Variants in RP1 observed in about 807,000 individuals in gnomAD.
RP1 encodes RP1 axonemal microtubule associated.
Under a neutral mutation model 14.8 loss-of-function variants are expected in RP1, and 16 were observed. The observed-to-expected ratio is 1.08, with a 90% confidence interval of 0.73 to 1.65. RP1 has a LOEUF of 1.65. Ranked by LOEUF, RP1 falls within the 40% of genes most tolerant of loss-of-function variation. The pLI is 0.00. For synonymous variants in RP1, 876 were observed against 883.6 expected (o/e 0.99, Z 0.15); for missense variants, 2,631 against 2,535.0 (o/e 1.04, Z -0.81).
intron 15 of RP1, among the ~76,000 whole-genome samples, chr8:54,709,857 G>A (rs1225430351): frequency 6.6e-6 from 1 of 152,152 alleles, no homozygotes; most frequent in African/African-American, 2.4e-5. Context: ...AGAAATAACA[G>A]GTCCATATAT....
chr8:54,696,728 C>T (rs974589275), intron 12 of RP1: 13 of 724,088 alleles, frequency 1.8e-5, no homozygotes, highest in African/African-American at 5.2e-5. Context: ...TTCAAGACTT[C>T]GCCTAAAGAA....
chr8:54,869,681 A>G (rs1439594331), intron 28 of RP1, among the ~76,000 whole-genome samples: 1 of 152,250 alleles, frequency 6.6e-6, no homozygotes, highest in African/African-American at 2.4e-5. Context: ...CTGGACTGCT[A>G]AATAATCTGG....
At chr8:54,601,597 A>AG (rs1805295759) in intron 1 of RP1, among the ~76,000 whole-genome samples, 1 of 146,468 alleles carries the variant, frequency 6.8e-6, no homozygotes, top group South Asian at 2.1e-4. Flanking sequence ...TAAAAAACTT[A>AG]GAAAAAAAAA....
chr8:54,659,609 A>C (rs747278472), intron 6 of RP1, among the ~76,000 whole-genome samples: 1 of 152,146 alleles, frequency 6.6e-6, no homozygotes, highest in Non-Finnish European at 1.5e-5. Flanking sequence ...CCAGTACCAC[A>C]CTGCCTTTAT....
At chr8:54,870,216 T>G in exon 29 of RP1, 1 of 292,004 alleles carries the variant, frequency 3.4e-6, no homozygotes, top group Non-Finnish European at 6.3e-6. Context: ...TTTCTTTCCC[T>G]TCCTCCCCAC....
intron 24 of RP1, among the ~76,000 whole-genome samples, chr8:54,799,505 T>A (rs1030818794): frequency 3.3e-5 from 5 of 152,098 alleles, no homozygotes; most frequent in African/African-American, 1.2e-4. Flanking sequence ...ATAATTAGAA[T>A]AAGATCTACC....
intron 22 of RP1, among the ~76,000 whole-genome samples, chr8:54,762,312 A>G (rs1347713385): frequency 2.0e-5 from 3 of 151,796 alleles, no homozygotes; most frequent in Non-Finnish European, 2.9e-5. Context: ...GGCTCGGGGG[A>G]AATGCTTAGG....
Position 54,838,396 on chromosome 8 carries a change from A to C in RP1, c.3835+727A>C, listed in dbSNP as rs116588790. Among the ~76,000 whole-genome samples the C allele has an allele frequency of 5.3e-3, 808 of 152,208 alleles. 6 individuals are homozygous for C. The highest frequency in any genetic ancestry group is 0.018 in the African/African-American group (764 of 41,542). On this transcript the variant is annotated intron_variant, in intron 25 of 28. Coordinates refer to the RP1 transcript ENST00000637698. ...GAGAGAAAACCTTATTTCTCAATGG[A>C]TACTGATAGCCTCTTTGTTCGGAAT...
At chr8:54,577,690 T>C (rs899830497) in intron 1 of RP1, among the ~76,000 whole-genome samples, 12 of 152,320 alleles carry the variant, frequency 7.9e-5, no homozygotes, top group Middle Eastern at 3.4e-3. Context: ...TATTGTAAGA[T>C]ATATACTGTG....
intron 14 of RP1, among the ~76,000 whole-genome samples, chr8:54,702,695 T>C (rs914121134): frequency 6.6e-6 from 1 of 152,186 alleles, no homozygotes; most frequent in Non-Finnish European, 1.5e-5. Context: ...TCATGAAAGA[T>C]TTCTCTATAG....
At chr8:54,819,597 T>C (rs1811208966) in intron 24 of RP1, among the ~76,000 whole-genome samples, 1 of 152,152 alleles carries the variant, frequency 6.6e-6, no homozygotes, top group South Asian at 2.1e-4. Context: ...TCTCTGTACC[T>C]ATTTTTTAAG....
At chr8:54,718,273 G>C (rs1808450993) in intron 15 of RP1, among the ~76,000 whole-genome samples, 1 of 152,076 alleles carries the variant, frequency 6.6e-6, no homozygotes, top group Non-Finnish European at 1.5e-5. Flanking sequence ...TAATACTGAA[G>C]AAGAACAAAG....
At chr8:54,774,830 C>T (rs893667003), downstream of RP1, among the ~76,000 whole-genome samples, 3 of 152,188 alleles carry the variant, frequency 2.0e-5, no homozygotes, top group Non-Finnish European at 4.4e-5. Flanking sequence ...GCCTACTCCT[C>T]AATCGCTTTG....
intron 7 of RP1, among the ~76,000 whole-genome samples, chr8:54,673,576 C>CA (rs879473473): frequency 4.6e-5 from 7 of 152,024 alleles, no homozygotes; most frequent in Non-Finnish European, 7.4e-5. Flanking sequence ...CTCCTCTCTA[C>CA]AAAAAACACA....
At chr8:54,598,961 G>A (rs535696689) in intron 1 of RP1, among the ~76,000 whole-genome samples, 2 of 152,102 alleles carry the variant, frequency 1.3e-5, no homozygotes, top group African/African-American at 4.8e-5. Context: ...ATTTCTTTGG[G>A]TTTTTTGTCC....
intron 19 of RP1, among the ~76,000 whole-genome samples, chr8:54,751,007 C>G (rs1809355372): frequency 6.6e-6 from 1 of 152,200 alleles, no homozygotes; most frequent in Non-Finnish European, 1.5e-5. Flanking sequence ...TTCTTTAGCT[C>G]TTCACAATAA....
At chr8:54,600,200 G>T (rs1805242911) in intron 1 of RP1, among the ~76,000 whole-genome samples, 1 of 152,128 alleles carries the variant, frequency 6.6e-6, no homozygotes, top group Non-Finnish European at 1.5e-5. Context: ...AGATCTGATG[G>T]TTTTATAAAG....
At chr8:54,776,899 T>C (rs1453540499) in intron 23 of RP1, among the ~76,000 whole-genome samples, 1 of 152,202 alleles carries the variant, frequency 6.6e-6, no homozygotes, top group Non-Finnish European at 1.5e-5. Context: ...TAAAGTATAG[T>C]TGTCCTACCT....
chr8:54,752,360 G>A (rs1328153990), intron 19 of RP1, among the ~76,000 whole-genome samples: 2 of 152,168 alleles, frequency 1.3e-5, no homozygotes, highest in East Asian at 1.9e-4. Context: ...GTTATGGTGA[G>A]TTAAACCAAG....
Sources: allele counts gnomAD v4.1 joint callset (sites outside exome capture counted in the v4.1 genomes callset), GRCh38; gene constraint gnomAD v4.1.1; transcripts MANE v1.5; gene names NCBI Gene and HGNC (gene_info 2026-07-23, HGNC 2026-07-21).